The following SEC14L5 variants were observed in gnomAD, a reference collection of about 807,000 sequenced individuals.
The protein encoded by SEC14L5 is SEC14 like lipid binding 5.
Under a neutral mutation model 84.6 loss-of-function variants are expected in SEC14L5, and 96 were observed. The observed-to-expected ratio is 1.13, with a 90% CI of 0.96 to 1.34. SEC14L5 has a LOEUF of 1.34. Ranked by LOEUF, SEC14L5 falls within the 40% of genes most tolerant of loss-of-function variation. The probability of loss-of-function intolerance (pLI) is 0.00; values close to 1 mark genes in which losing one functional copy is unlikely to be tolerated. For synonymous variants in SEC14L5, 546 were observed against 383.4 expected (o/e 1.42, Z -4.95); for missense variants, 1,224 against 942.5 (o/e 1.30, Z -3.91).
At position 5,015,780 on chromosome 16, in the gene SEC14L5, C is replaced by G. The variant is rs976278601; in HGVS notation, c.*810C>G. ...GCTTGGTGAGCAGTTAAGTGAGTTA[C>G]AGGCGCTGCTCTTTGTGGGGAACAG... On this transcript the variant is annotated 3_prime_UTR_variant, in exon 16 of 16. Transcript: ENST00000251170. 1.5e-4 allele frequency: 23 copies of G among 152,306 alleles called. No homozygotes were observed. Among genetic ancestry groups the G allele is most frequent in the African/African-American group, 5.5e-4 (23 of 41,474 alleles). The allele number at this position is 152,306 out of a possible 1,614,324, so 9.4% of individuals were successfully genotyped here.
intron 14 of SEC14L5, among the ~76,000 whole-genome samples, chr16:5,008,997 C>CACA (rs1955769022): frequency 6.6e-6 from 1 of 152,290 alleles, no homozygotes; most frequent in South Asian, 2.1e-4. Context: ...AATGAGTTAC[C>CACA]ACAAACTACA....
At chr16:4,982,718 C>G (rs1336767198) in intron 2 of SEC14L5, among the ~76,000 whole-genome samples, 2 of 152,208 alleles carry the variant, frequency 1.3e-5, no homozygotes, top group Non-Finnish European at 2.9e-5. Context: ...CTGGCCATCC[C>G]TTCTCCAGCA....
chr16:4,987,881 G>A (rs1955509942), intron 3 of SEC14L5, among the ~76,000 whole-genome samples, 175 bp downstream of exon 3: 1 of 151,994 alleles, frequency 6.6e-6, no homozygotes, highest in African/African-American at 2.4e-5. Context: ...GGGCCCAGGA[G>A]GGGCGAGGGC....
chr16:4,993,428 G>C (rs891402525), intron 6 of SEC14L5, among the ~76,000 whole-genome samples: 1 of 152,094 alleles, frequency 6.6e-6, no homozygotes, highest in Admixed American at 6.5e-5. Context: ...CTTTAGTGGA[G>C]ACAGGGTTTC....
At chr16:5,001,112 A>G (rs1955671919) in intron 10 of SEC14L5, among the ~76,000 whole-genome samples, 187 bp downstream of exon 10, 1 of 152,030 alleles carries the variant, frequency 6.6e-6, no homozygotes, top group Non-Finnish European at 1.5e-5. Context: ...GCATGGGGAA[A>G]CTGAGATTCA....
intron 2 of SEC14L5, 22 bp downstream of exon 2, chr16:4,959,408 G>A (rs377026681): frequency 6.2e-7 from 1 of 1,610,740 alleles, no homozygotes; most frequent in East Asian, 2.2e-5. Flanking sequence ...CTGATTCTTG[G>A]GCCCCCATGT....
At chr16:4,988,118 C>A in intron 3 of SEC14L5, 31 bp from the exon 4 acceptor site, 1 of 1,610,830 alleles carries the variant, frequency 6.2e-7, no homozygotes, top group South Asian at 1.1e-5. Flanking sequence ...GCCGCCCACC[C>A]ACCTCCGCCT....
At chr16:4,983,433 ATT>A (rs1955447722) in intron 2 of SEC14L5, among the ~76,000 whole-genome samples, 1 of 145,452 alleles carries the variant, frequency 6.9e-6, no homozygotes, top group African/African-American at 2.6e-5. Flanking sequence ...ATCTATATTT[ATT>A]TATATTCTAT....
chr16:5,012,141 CA>C (rs1955812555), intron 15 of SEC14L5, among the ~76,000 whole-genome samples: 1 of 152,122 alleles, frequency 6.6e-6, no homozygotes, highest in East Asian at 1.9e-4. Context: ...AGTCTTTATC[CA>C]AGGAGGGGTC....
rs756488509 is a variant in SEC14L5 at position 4,996,876 on chromosome 16, C to G, written c.802C>G (p.Leu268Val). 4 of 1,612,942 alleles carry G rather than the reference C, an allele frequency of 2.5e-6. No individual in the cohort carries two copies. Among genetic ancestry groups the G allele is most frequent in the Middle Eastern group, 1.7e-4 (1 of 6,054 alleles). Residue 268 changes from leucine (L) to valine (V), a missense_variant, in exon 8 of 16, where the codon CTT (leucine) becomes GTT (valine). Coordinates refer to ENST00000251170, the MANE Select transcript of SEC14L5 (RefSeq NM_014692.2). The stretch of plus-strand genomic sequence containing the variant: ...TCAGATTCCCAAAGATGAGCACATC[C>G]TTCGGTTCCTGCGGGCTCATGACTT... ...KGKIPKDEHI[L>V]RFLRAHDFHL... is the part of the protein sequence containing the mutation.
At chr16:4,980,657 A>G (rs937579868) in intron 2 of SEC14L5, among the ~76,000 whole-genome samples, 4 of 152,152 alleles carry the variant, frequency 2.6e-5, no homozygotes, top group Non-Finnish European at 5.9e-5. Flanking sequence ...AAAGCAGGCG[A>G]TCCTCCTTCA....
chr16:4,978,065 G>A (rs1326373255), intron 2 of SEC14L5, among the ~76,000 whole-genome samples: 1 of 147,370 alleles, frequency 6.8e-6, no homozygotes, highest in Admixed American at 6.8e-5. Flanking sequence ...GCCTCCCAAA[G>A]TGCTGGGAGG....
intron 6 of SEC14L5, 45 bp downstream of exon 6, chr16:4,992,075 A>G (rs2142507890): frequency 7.5e-7 from 1 of 1,334,808 alleles, no homozygotes; most frequent in East Asian, 2.6e-5. Flanking sequence ...AGGCTGCTGC[A>G]GGTCCTCTTG....
chr16:5,003,588 C>T lies in SEC14L5; in HGVS notation c.1302+15C>T, dbSNP rs745437605. On this transcript the variant is annotated intron_variant, in intron 11 of 15. Transcript: ENST00000251170. Reference sequence around the variant, plus strand: ...TCTGGACACTGGTAAGAGCTGGAGCCTGGGCCAGGACTCTCCCTGGGGGTG... The same window carrying T: ...TCTGGACACTGGTAAGAGCTGGAGCTTGGGCCAGGACTCTCCCTGGGGGTG... 2 of 792,216 alleles carry T rather than the reference C, an allele frequency of 2.5e-6. No individual in the cohort carries two copies. Among genetic ancestry groups the T allele is most frequent in the Admixed American group, 2.7e-5 (1 of 37,558 alleles). The allele number at this position is 792,216 out of a possible 1,614,324, so 49.1% of individuals were successfully genotyped here.
chr16:4,961,994 C>A (rs1352882915), intron 2 of SEC14L5, among the ~76,000 whole-genome samples: 1 of 151,894 alleles, frequency 6.6e-6, no homozygotes, highest in African/African-American at 2.4e-5. Flanking sequence ...GACACACACA[C>A]ACACAATCAC....
chr16:4,972,900 G>A (rs1326654455), intron 2 of SEC14L5, among the ~76,000 whole-genome samples: 5 of 152,170 alleles, frequency 3.3e-5, no homozygotes, highest in Admixed American at 6.5e-5. Context: ...AATTGCTGCA[G>A]CAACTCCAGA....
In SEC14L5 at chr16:4,990,962, A is replaced by T. The variant is rs996971122; in HGVS notation, c.474+67A>T. 1.6e-5 allele frequency: 22 copies of T among 1,378,902 alleles called. No individual in the cohort carries two copies. In the African/African-American group the frequency reaches 2.9e-4, roughly 18 times the overall value. 85.4% of individuals were successfully genotyped at this position (1,378,902 alleles called of 1,614,324 possible). On this transcript the variant is annotated intron_variant, in intron 5 of 15. Transcript: ENST00000251170. Reference sequence around the variant, plus strand: ...CACCTGCTCTGCCATCAACAGCTGCATGACCCCTGGCAAGACCCTTACCCT... The same window carrying T: ...CACCTGCTCTGCCATCAACAGCTGCTTGACCCCTGGCAAGACCCTTACCCT...
chr16:4,998,936 T>C (rs146337784), intron 8 of SEC14L5, among the ~76,000 whole-genome samples: 108 of 152,274 alleles, frequency 7.1e-4, no homozygotes, highest in African/African-American at 2.4e-3. Flanking sequence ...CAGAACTTTT[T>C]CAGTCATGCT....
chr16:4,995,784 G>T (rs1282814009), intron 6 of SEC14L5, among the ~76,000 whole-genome samples: 1 of 151,892 alleles, frequency 6.6e-6, no homozygotes, highest in Non-Finnish European at 1.5e-5. Context: ...GTGCCACCAC[G>T]CCTGGCTAAT....
Sources: allele counts gnomAD v4.1 joint callset (sites outside exome capture counted in the v4.1 genomes callset), GRCh38; gene constraint gnomAD v4.1.1; transcripts MANE v1.5; gene names NCBI Gene and HGNC (gene_info 2026-07-23, HGNC 2026-07-21).